Variants in HTR1F observed in about 807,000 individuals in gnomAD.
HTR1F encodes the protein 5-hydroxytryptamine receptor 1F, also known as 5-hydroxytryptamine (serotonin) receptor 1F, G protein-coupled.
Under a neutral mutation model 24.0 loss-of-function variants are expected in HTR1F, and 17 were observed. The observed-to-expected ratio is 0.71, with a 90% CI of 0.48 to 1.06. HTR1F has a LOEUF of 1.06. HTR1F is among the 50% of genes least tolerant of loss of function. The pLI, the probability that HTR1F is intolerant of heterozygous loss-of-function variation, is 0.00. For missense variants in HTR1F, 391 were observed against 427.8 expected (o/e 0.91, Z 0.76); for synonymous variants, 186 against 156.8 (o/e 1.19, Z -1.39).
chr3:87,969,170 C>T (rs1485985008), intron 2 of HTR1F, among the ~76,000 whole-genome samples: 1 of 152,212 alleles, frequency 6.6e-6, no homozygotes, highest in African/African-American at 2.4e-5. Context: ...TGGAAGGGAA[C>T]GTGTGATTGA....
chr3:87,932,084 A>T (rs781106652), intron 2 of HTR1F, among the ~76,000 whole-genome samples: 38 of 152,062 alleles, frequency 2.5e-4, no homozygotes, highest in Non-Finnish European at 4.1e-4. Flanking sequence ...TTTTGTTGCC[A>T]TTGCTTTTGG....
At chr3:87,924,481 C>T (rs185131020) in intron 2 of HTR1F, among the ~76,000 whole-genome samples, 73 of 152,124 alleles carry the variant, frequency 4.8e-4, no homozygotes, top group Non-Finnish European at 9.1e-4. Context: ...TTTATATTCT[C>T]ATGTGTTTTC....
At chr3:87,894,275 A>G (rs1421422228) in intron 2 of HTR1F, among the ~76,000 whole-genome samples, 1 of 152,044 alleles carries the variant, frequency 6.6e-6, no homozygotes, top group Non-Finnish European at 1.5e-5. Flanking sequence ...AGAACATACA[A>G]TGACAGAGTC....
rs1704441474 is a variant in HTR1F at position 87,937,099 on chromosome 3, A to AAG, written c.-42-53606_-42-53605dup. ...GAAACTACCCAAAAAAAAAAAAAAA[A>AAG]AGAGGACGGACTCCTCCCCAACTCA... On this transcript the variant is annotated intron_variant, in intron 2 of 2. Coordinates refer to ENST00000319595, the MANE Select transcript of HTR1F (RefSeq NM_001322209.2). 2.0e-5 allele frequency among the ~76,000 whole-genome samples: 3 copies of AAG among 151,698 alleles called. No individual in the cohort carries two copies. In the South Asian group the frequency reaches 6.2e-4, roughly 31 times the overall value.
At chr3:87,917,468 A>G (rs927716523) in intron 2 of HTR1F, among the ~76,000 whole-genome samples, 2 of 152,060 alleles carry the variant, frequency 1.3e-5, no homozygotes, top group Non-Finnish European at 2.9e-5. Context: ...ATTGTTAGCA[A>G]GACTAACCAA....
At chr3:87,989,079 C>T (rs986254814) in intron 2 of HTR1F, among the ~76,000 whole-genome samples, 1 of 151,990 alleles carries the variant, frequency 6.6e-6, no homozygotes. Flanking sequence ...TCCATATTGT[C>T]CTTTCCTAAA....
At chr3:87,820,313 A>G (rs368711802) in intron 1 of HTR1F, among the ~76,000 whole-genome samples, 1 of 150,332 alleles carries the variant, frequency 6.7e-6, no homozygotes, top group Non-Finnish European at 1.5e-5. Flanking sequence ...AGTAGCTGGG[A>G]CTACAGGCGC....
At chr3:87,912,236 A>T (rs1703794133) in intron 2 of HTR1F, among the ~76,000 whole-genome samples, 1 of 152,120 alleles carries the variant, frequency 6.6e-6, no homozygotes, top group East Asian at 1.9e-4. Context: ...ATGATACAAA[A>T]TTAATGTGCA....
At chr3:87,817,587 T>C (rs1455128051) in intron 1 of HTR1F, among the ~76,000 whole-genome samples, 2 of 152,184 alleles carry the variant, frequency 1.3e-5, no homozygotes, top group East Asian at 3.8e-4. Context: ...TGCTCTGGCA[T>C]TTTGTCGTTG....
chr3:87,943,042 T>C (rs963390307), intron 2 of HTR1F, among the ~76,000 whole-genome samples: 25 of 152,314 alleles, frequency 1.6e-4, no homozygotes, highest in African/African-American at 5.5e-4. Context: ...GAATAATTCA[T>C]AGGCTTCTTC....
intron 2 of HTR1F, among the ~76,000 whole-genome samples, chr3:87,827,190 T>A (rs1314839109): frequency 1.3e-5 from 2 of 151,888 alleles, no homozygotes; most frequent in African/African-American, 2.4e-5. Flanking sequence ...TACATAGGTA[T>A]ATGTGTGCCA....
At chr3:87,897,065 T>C (rs1347374809) in intron 2 of HTR1F, among the ~76,000 whole-genome samples, 1 of 151,980 alleles carries the variant, frequency 6.6e-6, no homozygotes. Flanking sequence ...TGGATATATA[T>C]TCAAAGGAAA....
intron 2 of HTR1F, among the ~76,000 whole-genome samples, chr3:87,983,576 C>G (rs1033213114): frequency 6.6e-6 from 1 of 152,168 alleles, no homozygotes; most frequent in Non-Finnish European, 1.5e-5. Context: ...TCAAATTACT[C>G]AATGCTGGCC....
At chr3:87,917,952 G>A (rs184334821) in intron 2 of HTR1F, among the ~76,000 whole-genome samples, 85 of 151,904 alleles carry the variant, frequency 5.6e-4, no homozygotes, top group Non-Finnish European at 5.9e-4. Flanking sequence ...CCTGATGAAC[G>A]TAGATGCTAA....
At chr3:87,908,606 A>G (rs1280922647) in intron 2 of HTR1F, among the ~76,000 whole-genome samples, 5 of 152,058 alleles carry the variant, frequency 3.3e-5, no homozygotes, top group Non-Finnish European at 5.9e-5. Flanking sequence ...AAAGAATTTT[A>G]TAAATATTTA....
chr3:87,953,767 A>C lies in HTR1F; in HGVS notation c.-42-36941A>C, dbSNP rs138246194. ...TAATGCAACGCTATTCACAATAGCC[A>C]AGATATGGAATCAACCTAAGTGCCC... On this transcript the variant is annotated intron_variant, in intron 2 of 2. Coordinates refer to ENST00000319595, the MANE Select transcript of HTR1F (RefSeq NM_001322209.2). Among the ~76,000 whole-genome samples, 36 of 152,046 alleles carry C rather than the reference A, an allele frequency of 2.4e-4. 2 individuals carry two copies. The highest frequency in any genetic ancestry group is 8.4e-4 in the African/African-American group (35 of 41,560).
At chr3:87,859,760 C>T (rs923652123) in intron 2 of HTR1F, among the ~76,000 whole-genome samples, 25 of 152,174 alleles carry the variant, frequency 1.6e-4, no homozygotes, top group African/African-American at 6.0e-4. Context: ...ATTCATTCAG[C>T]CTAGGCCATG....
intron 2 of HTR1F, among the ~76,000 whole-genome samples, chr3:87,830,866 A>C (rs1704559438): frequency 6.6e-6 from 1 of 152,230 alleles, no homozygotes; most frequent in Non-Finnish European, 1.5e-5. Flanking sequence ...GTATTACTGA[A>C]AAATATTTTA....
At chr3:87,810,783 C>G (rs1704146987) in intron 1 of HTR1F, among the ~76,000 whole-genome samples, 1 of 152,148 alleles carries the variant, frequency 6.6e-6, no homozygotes, top group African/African-American at 2.4e-5. Flanking sequence ...TACATGCAAT[C>G]TTGAAAATAT....
Sources: gnomAD v4.1 joint callset for allele counts (sites outside exome capture counted in the v4.1 genomes callset) on GRCh38, gnomAD v4.1.1 for gene constraint, MANE v1.5 for transcripts, NCBI Gene and HGNC (gene_info 2026-07-23, HGNC 2026-07-21) for gene names.